Variants in CNTN6 observed in about 807,000 individuals in gnomAD.
CNTN6 encodes contactin 6.
CNTN6 carries 137 observed loss-of-function variants against 122.8 expected under a neutral mutation model. The ratio of observed to expected loss-of-function variants is 1.12; its 90% CI spans 0.97 to 1.29. The LOEUF is 1.29. Among genes scored for constraint, CNTN6 ranks in the 50% most tolerant of loss-of-function variants. CNTN6 has a pLI of 0.00. For missense variants in CNTN6, 1,634 were observed against 1,223.4 expected (o/e 1.34, Z -5.01); for synonymous variants, 570 against 426.0 (o/e 1.34, Z -4.16).
intron 3 of CNTN6, among the ~76,000 whole-genome samples, chr3:1,226,301 A>T (rs921555771): frequency 6.8e-6 from 1 of 146,750 alleles, no homozygotes; most frequent in African/African-American, 2.8e-5. Context: ...ACCCTAAAAA[A>T]CACAGTTTGG....
chr3:1,201,099 T>TTGTGTGTGTGTGTGTG (rs57028088), intron 2 of CNTN6, among the ~76,000 whole-genome samples: 98 of 130,082 alleles, frequency 7.5e-4, no homozygotes, highest in East Asian at 4.2e-3. Context: ...AGCTAACATT[T>TTGTGTGTGTGTGTGTG]TGTGTGTGTG....
At chr3:1,272,920 A>G (rs1275662770) in intron 4 of CNTN6, among the ~76,000 whole-genome samples, 1 of 152,186 alleles carries the variant, frequency 6.6e-6, no homozygotes. Context: ...TTTTAAGTAC[A>G]TTTTGGTGGC....
At chr3:1,364,859 A>AC (rs1707984713) in intron 12 of CNTN6, among the ~76,000 whole-genome samples, 1 of 152,000 alleles carries the variant, frequency 6.6e-6, no homozygotes, top group African/African-American at 2.4e-5. Context: ...TAAGAATAGG[A>AC]CTGCTAGATG....
intron 4 of CNTN6, among the ~76,000 whole-genome samples, chr3:1,233,760 T>G (rs1478625079): frequency 1.7e-5 from 2 of 119,102 alleles, no homozygotes; most frequent in Admixed American, 8.3e-5. Context: ...AAAAAAAAAG[T>G]AGTTTGAAAT....
In CNTN6 at chr3:1,374,085, A is replaced by G. The variant is rs1472515913; in HGVS notation, c.2095+12A>G. 2 of 1,611,562 alleles carry G rather than the reference A, an allele frequency of 1.2e-6. No homozygotes were observed. Among genetic ancestry groups the G allele is most frequent in the South Asian group, 1.1e-5 (1 of 90,940 alleles). ...AACTAAAGCATCAGGTAAAGAATCA[A>G]TGTGTTCTAAAAGTGTGGAAGATTT... On this transcript the variant is annotated intron_variant, in intron 16 of 22. Transcript: ENST00000446702.
At chr3:1,305,914 G>A (rs1233165929) in intron 7 of CNTN6, among the ~76,000 whole-genome samples, 2 of 152,116 alleles carry the variant, frequency 1.3e-5, no homozygotes, top group African/African-American at 4.8e-5. Context: ...AGAATTTTCA[G>A]GTGACAGAGG....
intron 4 of CNTN6, among the ~76,000 whole-genome samples, chr3:1,245,873 T>C (rs952583306): frequency 6.6e-6 from 1 of 151,986 alleles, no homozygotes; most frequent in Admixed American, 6.6e-5. Context: ...AAGAATTGTC[T>C]TGGGCCACAT....
In CNTN6 at chr3:1,384,227, C is replaced by G. The variant is rs185595545; in HGVS notation, c.2517+819C>G. On this transcript the variant is annotated intron_variant, in intron 19 of 22. Coordinates refer to ENST00000446702, the MANE Select transcript of CNTN6 (RefSeq NM_001289080.2). ...CAGATCTCATATTAAGTGTTCTTACCACAACATCATTTTTCAAAAGTGATC... is the reference window on the plus strand; with the variant it reads ...CAGATCTCATATTAAGTGTTCTTACGACAACATCATTTTTCAAAAGTGATC... Among the ~76,000 whole-genome samples, 4 of 152,048 alleles carry G rather than the reference C, an allele frequency of 2.6e-5. No individual in the cohort carries two copies. In the East Asian group the frequency reaches 5.8e-4, roughly 22 times the overall value.
At chr3:1,104,098 A>C (rs1285794703) in intron 1 of CNTN6, among the ~76,000 whole-genome samples, 1 of 152,176 alleles carries the variant, frequency 6.6e-6, no homozygotes, top group Non-Finnish European at 1.5e-5. Flanking sequence ...GACAGAGAAG[A>C]GTTCTGCTCC....
chr3:1,265,012 T>G (rs1266615987), intron 4 of CNTN6, among the ~76,000 whole-genome samples: 1 of 151,428 alleles, frequency 6.6e-6, no homozygotes, highest in East Asian at 1.9e-4. Flanking sequence ...GTCCTCCAGG[T>G]TCATCCATGT....
At chr3:1,300,341 A>G (rs1696991488) in intron 7 of CNTN6, among the ~76,000 whole-genome samples, 1 of 151,936 alleles carries the variant, frequency 6.6e-6, no homozygotes, top group Admixed American at 6.6e-5. Flanking sequence ...AAGGGAGAGT[A>G]GGTGTCTCAG....
chr3:1,288,362 C>G (rs542720487), intron 5 of CNTN6, among the ~76,000 whole-genome samples: 2 of 152,132 alleles, frequency 1.3e-5, no homozygotes, highest in Non-Finnish European at 2.9e-5. Flanking sequence ...TGGATTACAT[C>G]GTAAACTTCC....
chr3:1,388,621 C>T lies in CNTN6; in HGVS notation c.2704+2824C>T, dbSNP rs372089259. The stretch of plus-strand genomic sequence containing the variant: ...CAGACGATCAAATTACTCTGAGCTA[C>T]GGGAGGACATTCAAACCAAAGGCAA... On this transcript the variant is annotated intron_variant, in intron 20 of 22. Coordinates refer to ENST00000446702, the MANE Select transcript of CNTN6 (RefSeq NM_001289080.2). Among the ~76,000 whole-genome samples, 79 of 145,730 alleles carry T rather than the reference C, an allele frequency of 5.4e-4. 1 individual carries two copies. The highest frequency in any genetic ancestry group is 4.0e-3 in the Admixed American group (59 of 14,684).
intron 4 of CNTN6, among the ~76,000 whole-genome samples, chr3:1,258,429 C>G (rs935278967): frequency 2.0e-5 from 3 of 152,050 alleles, no homozygotes; most frequent in African/African-American, 7.2e-5. Flanking sequence ...TGAACAGAAA[C>G]TAATGGAATC....
At chr3:1,217,264 T>C (rs2094142181) in intron 2 of CNTN6, among the ~76,000 whole-genome samples, 1 of 152,140 alleles carries the variant, frequency 6.6e-6, no homozygotes, top group Non-Finnish European at 1.5e-5. Flanking sequence ...TCTCTAGTGC[T>C]GTGGTTGGTA....
At chr3:1,367,950 T>C (rs1022760664) in intron 12 of CNTN6, among the ~76,000 whole-genome samples, 1 of 152,190 alleles carries the variant, frequency 6.6e-6, no homozygotes, top group African/African-American at 2.4e-5. Flanking sequence ...TGCAAAAATA[T>C]TAACTCTCCA....
chr3:1,223,494 G>A (rs2125534284), intron 3 of CNTN6, among the ~76,000 whole-genome samples: 1 of 152,304 alleles, frequency 6.6e-6, no homozygotes, highest in South Asian at 2.1e-4. Flanking sequence ...CATAACACAT[G>A]AGAATATGAA....
chr3:1,189,558 T>C (rs1234260523), intron 2 of CNTN6, among the ~76,000 whole-genome samples: 1 of 152,206 alleles, frequency 6.6e-6, no homozygotes, highest in Non-Finnish European at 1.5e-5. Flanking sequence ...TTAGTATTTG[T>C]TTAATAAAGG....
intron 4 of CNTN6, among the ~76,000 whole-genome samples, chr3:1,274,056 G>A (rs1223014700): frequency 1.3e-5 from 2 of 151,968 alleles, no homozygotes; most frequent in African/African-American, 4.8e-5. Flanking sequence ...TTACAATATA[G>A]TCACAATTTA....
Sources: gnomAD v4.1 joint callset for allele counts (sites outside exome capture counted in the v4.1 genomes callset) on GRCh38, gnomAD v4.1.1 for gene constraint, MANE v1.5 for transcripts, NCBI Gene and HGNC (gene_info 2026-07-23, HGNC 2026-07-21) for gene names.